The following NME7 variants were observed in gnomAD, a reference collection of about 807,000 sequenced individuals.
NME7 encodes the protein nucleoside diphosphate kinase 7.
In NME7, 41 loss-of-function variants were observed where a neutral mutation model predicts 49.1. That is an observed-to-expected ratio of 0.83 (90% confidence interval 0.65 to 1.08). The LOEUF is 1.08. Among genes scored for constraint, NME7 ranks in the 50% least tolerant of loss-of-function variants. The pLI, the probability that NME7 is intolerant of heterozygous loss-of-function variation, is 0.00. For synonymous variants in NME7, 139 were observed against 150.6 expected, an observed-to-expected ratio of 0.92 and a Z score of 0.56; for missense variants, 423 against 463.4, an observed-to-expected ratio of 0.91 and a Z score of 0.80.
chr1:169,318,935 A>G (rs928141953), intron 3 of NME7, among the ~76,000 whole-genome samples: 2 of 152,230 alleles, frequency 1.3e-5, no homozygotes, highest in Admixed American at 6.5e-5. Flanking sequence ...AAGACAGAAT[A>G]ATAATTTTTA....
chr1:169,235,328 T>C (rs1182663306), intron 8 of NME7, 129 bp from the exon 9 acceptor site: 2 of 494,064 alleles, frequency 4.0e-6, no homozygotes, highest in East Asian at 3.4e-5. Flanking sequence ...CATAGATTAC[T>C]CTTTGAAGAA....
intron 3 of NME7, among the ~76,000 whole-genome samples, chr1:169,318,646 T>C (rs1430323892): frequency 6.6e-6 from 1 of 152,218 alleles, no homozygotes; most frequent in African/African-American, 2.4e-5. Context: ...GTGAAAAATC[T>C]ACATGGAAAC....
At chr1:169,269,589 G>A (rs1360824852) in intron 7 of NME7, among the ~76,000 whole-genome samples, 1 of 133,258 alleles carries the variant, frequency 7.5e-6, no homozygotes, top group Non-Finnish European at 1.8e-5. Flanking sequence ...ATCTACCAGG[G>A]CTCTTGGCTT....
chr1:169,250,616 T>C (rs1158954657), intron 7 of NME7, among the ~76,000 whole-genome samples: 3 of 152,240 alleles, frequency 2.0e-5, no homozygotes, highest in East Asian at 1.9e-4. Context: ...TTTAGCACTA[T>C]AAATTTTCCT....
chr1:169,137,866 T>C (rs1658476645), intron 11 of NME7, among the ~76,000 whole-genome samples: 1 of 152,326 alleles, frequency 6.6e-6, no homozygotes, highest in African/African-American at 2.4e-5. Flanking sequence ...GTTGTAGCTA[T>C]AGAACCCCAA....
intron 11 of NME7, among the ~76,000 whole-genome samples, chr1:169,142,232 T>C (rs999715689): frequency 3.9e-5 from 6 of 152,226 alleles, no homozygotes; most frequent in African/African-American, 1.4e-4. Flanking sequence ...CAAGTTCAAA[T>C]CAAGTAAAAG....
At position 169,319,021 on chromosome 1, in the gene NME7, AAATTT is replaced by A. The variant is rs1267771237; in HGVS notation, c.278+4091_278+4095del. On this transcript the variant is annotated intron_variant, in intron 3 of 11. Transcript: ENST00000367811. ...TACATTTTTTGTATTTATTAAAATTAAATTTAATTTAATTTTAATTTTAATTTTAA... is the reference window on the plus strand; with the variant it reads ...TACATTTTTTGTATTTATTAAAATTAAATTTAATTTTAATTTTAATTTTAA... 7.9e-5 allele frequency among the ~76,000 whole-genome samples: 11 copies of A among 139,470 alleles called. No individual in the cohort carries two copies. In the East Asian group the frequency reaches 1.4e-3, roughly 17 times the overall value. The allele number at this position is 139,470 out of a possible 152,430, so 91.5% of individuals were successfully genotyped here. A position where few individuals can be genotyped will look rare whatever the true frequency, so the allele number is the denominator to read the frequency against.
Position 169,255,726 on chromosome 1 carries a change from G to A in NME7, c.755-18039C>T, listed in dbSNP as rs1312673912. On this transcript the variant is annotated intron_variant, in intron 7 of 11. Coordinates refer to ENST00000367811, the MANE Select transcript of NME7 (RefSeq NM_013330.5). The stretch of plus-strand genomic sequence containing the variant: ...CCGGTTGCTCCTTTCCATGTTTAGC[G>A]CTTCCTTCAGGAGCTCTTTTAGGGC... Among the ~76,000 whole-genome samples the A allele has an allele frequency of 7.8e-5, 10 of 127,652 alleles. 2 individuals carry two copies. The highest frequency in any genetic ancestry group is 2.5e-4 in the South Asian group (1 of 4,020). 83.7% of individuals were successfully genotyped at this position (127,652 alleles called of 152,430 possible).
At chr1:169,336,604 C>T (rs932682755) in intron 1 of NME7, among the ~76,000 whole-genome samples, 1 of 151,956 alleles carries the variant, frequency 6.6e-6, no homozygotes, top group Non-Finnish European at 1.5e-5. Flanking sequence ...GAGCTAAACA[C>T]AGGGTGCTGA....
At chr1:169,279,545 A>G (rs36154866) in intron 7 of NME7, among the ~76,000 whole-genome samples, 47,839 of 152,056 alleles carry the variant, frequency 0.31, 8,402 homozygotes, top group East Asian at 0.67. Context: ...TCAGAAAAGC[A>G]CAGTATTTGG....
intron 1 of NME7, among the ~76,000 whole-genome samples, chr1:169,336,654 G>A (rs906212367): frequency 2.0e-5 from 3 of 151,124 alleles, no homozygotes; most frequent in South Asian, 2.1e-4. Flanking sequence ...ACAGAGTGCC[G>A]ACTGGTGTAT....
chr1:169,358,465 A>C (rs1293337950), intron 1 of NME7, among the ~76,000 whole-genome samples: 1 of 152,096 alleles, frequency 6.6e-6, no homozygotes, highest in Admixed American at 6.6e-5. Context: ...GTACTTCAAC[A>C]AGCTACATCT....
chr1:169,301,641 C>T (rs1444103368), intron 5 of NME7, among the ~76,000 whole-genome samples: 2 of 152,004 alleles, frequency 1.3e-5, no homozygotes, highest in African/African-American at 4.8e-5. Flanking sequence ...CTGTGCTATT[C>T]ACAATAGCAA....
rs932074316 is a variant in NME7 at position 169,237,825 on chromosome 1, T to G, written c.755-138A>C. 1.6e-5 allele frequency: 10 copies of G among 611,218 alleles called. 1 individual carries two copies. In the South Asian group the frequency reaches 1.7e-4, roughly 10 times the overall value. 37.9% of individuals were successfully genotyped at this position (611,218 alleles called of 1,614,324 possible). A position where few individuals can be genotyped will look rare whatever the true frequency, so the allele number is the denominator to read the frequency against. On this transcript the variant is annotated intron_variant, in intron 7 of 11. Coordinates refer to ENST00000367811, the MANE Select transcript of NME7 (RefSeq NM_013330.5). ...AAAACACATATTTTGCAAGAGAAACTAAATTAAATCCCTAATACTGAGCAT... is the reference window on the plus strand; with the variant it reads ...AAAACACATATTTTGCAAGAGAAACGAAATTAAATCCCTAATACTGAGCAT...
intron 10 of NME7, among the ~76,000 whole-genome samples, chr1:169,195,474 A>G (rs922447113): frequency 3.9e-5 from 6 of 152,100 alleles, no homozygotes; most frequent in African/African-American, 1.2e-4. Flanking sequence ...CAGCCTTCCA[A>G]AGTACTGGGA....
intron 3 of NME7, among the ~76,000 whole-genome samples, chr1:169,314,574 C>T (rs1037435630): frequency 1.3e-5 from 2 of 151,868 alleles, no homozygotes; most frequent in Non-Finnish European, 2.9e-5. Context: ...AGTTACGTTA[C>T]AAATAAGTGC....
intron 1 of NME7, among the ~76,000 whole-genome samples, chr1:169,361,709 G>C (rs1653661221): frequency 6.6e-6 from 1 of 151,862 alleles, no homozygotes; most frequent in South Asian, 2.1e-4. Flanking sequence ...GAACCCAGGA[G>C]GCAGAGGTTG....
intron 10 of NME7, among the ~76,000 whole-genome samples, chr1:169,189,144 C>G (rs1044383209): frequency 3.3e-5 from 5 of 151,838 alleles, no homozygotes; most frequent in African/African-American, 1.2e-4. Context: ...TTATAAATGG[C>G]CTTACATTTT....
intron 9 of NME7, among the ~76,000 whole-genome samples, chr1:169,233,435 G>A (rs1647725787): frequency 6.6e-6 from 1 of 152,164 alleles, no homozygotes; most frequent in Non-Finnish European, 1.5e-5. Context: ...GCTAGGAGCT[G>A]AGTGAGACTA....
Sources: allele counts gnomAD v4.1 joint callset (sites outside exome capture counted in the v4.1 genomes callset), GRCh38; gene constraint gnomAD v4.1.1; transcripts MANE v1.5; gene names NCBI Gene and HGNC (gene_info 2026-07-23, HGNC 2026-07-21).